OTOF: variants seen among roughly 807,000 people sequenced by gnomAD.
OTOF encodes the protein fer-1-like family member 2.
In OTOF, 218 loss-of-function variants were observed where a neutral mutation model predicts 236.8. The observed-to-expected ratio is 0.92, with a 90% CI of 0.82 to 1.03. The LOEUF (loss-of-function observed/expected upper bound fraction) is 1.03. Among genes scored for constraint, OTOF ranks in the 50% least tolerant of loss-of-function variants. OTOF has a pLI of 0.00. For synonymous variants in OTOF, 1,041 were observed against 1,072.5 expected, an observed-to-expected ratio of 0.97 and a Z score of 0.57; for missense variants, 2,590 against 2,694.4, an observed-to-expected ratio of 0.96 and a Z score of 0.86.
At position 26,465,957 on chromosome 2, in the gene OTOF, G is replaced by A; in HGVS notation, c.4620C>T (p.Val1540=). 6.2e-7 allele frequency: 1 copy of A among 1,614,268 alleles called. No individual in the cohort carries two copies. The highest frequency in any genetic ancestry group is 8.5e-7 in the Non-Finnish European group (1 of 1,180,044). ...ENYISKQLNP[V]FGKSFDIEAS... ...GCACCAAGAAGCCTTACTTCCCAAAGACAGGGTTGAGCTGCTTGGAGATGT... is the reference window on the plus strand; with the variant it reads ...GCACCAAGAAGCCTTACTTCCCAAAAACAGGGTTGAGCTGCTTGGAGATGT... The change falls in exon 37 of 47, where the codon GTC becomes GTT. Residue 1540 remains valine, a synonymous_variant. Transcript: ENST00000272371.
intron 32 of OTOF, among the ~76,000 whole-genome samples, chr2:26,469,119 T>C (rs980126679): frequency 6.6e-6 from 1 of 152,232 alleles, no homozygotes; most frequent in African/African-American, 2.4e-5. Context: ...GTACAGTGCA[T>C]TTTAATGTTG....
chr2:26,457,839 G>A lies in OTOF; in HGVS notation c.*399C>T, dbSNP rs1664257940. The A allele has an allele frequency of 5.1e-6, 3 of 588,486 alleles. No homozygotes were observed. The highest frequency in any genetic ancestry group is 9.0e-6 in the Non-Finnish European group (3 of 333,516). The allele number at this position is 588,486 out of a possible 1,614,324, so 36.5% of individuals were successfully genotyped here. A position where few individuals can be genotyped will look rare whatever the true frequency, so the allele number is the denominator to read the frequency against. On this transcript the variant is annotated 3_prime_UTR_variant, in exon 47 of 47. Coordinates refer to ENST00000272371, the MANE Select transcript of OTOF (RefSeq NM_194248.3). The surrounding 1 kb of genome is among the most constrained non-coding windows in gnomAD (Gnocchi z 4.4). ...CAAGGCTCCCCAGCCCACAGGCAGG[G>A]GTCAGAGGGGCGGGACTGGGCAAGC...
chr2:26,471,535 C>T (rs999393184), intron 30 of OTOF, among the ~76,000 whole-genome samples: 1 of 152,216 alleles, frequency 6.6e-6, no homozygotes, highest in Non-Finnish European at 1.5e-5. Context: ...TGGAAATCCT[C>T]CTCTGACCCA....
chr2:26,525,898 C>T (rs1310136929), intron 3 of OTOF, among the ~76,000 whole-genome samples: 2 of 151,942 alleles, frequency 1.3e-5, no homozygotes, highest in African/African-American at 4.8e-5. Context: ...ACCAACCTGG[C>T]CAACATGGTG....
chr2:26,522,961 G>A (rs906350463), intron 3 of OTOF, among the ~76,000 whole-genome samples: 2 of 152,248 alleles, frequency 1.3e-5, no homozygotes, highest in Non-Finnish European at 2.9e-5. Context: ...AGATCCCCAC[G>A]TAATTAGCCG....
At chr2:26,554,356 C>G (rs1472159877) in intron 1 of OTOF, among the ~76,000 whole-genome samples, 2 of 151,858 alleles carry the variant, frequency 1.3e-5, no homozygotes, top group Non-Finnish European at 2.9e-5. Context: ...GAAATGGAGC[C>G]AAAGAGTGAC....
chr2:26,514,815 G>A (rs1215613539), intron 5 of OTOF, among the ~76,000 whole-genome samples: 1 of 152,150 alleles, frequency 6.6e-6, no homozygotes, highest in Non-Finnish European at 1.5e-5. Context: ...TGGCCCTTGT[G>A]TGGCTTCCGA....
intron 8 of OTOF, 33 bp downstream of exon 8, chr2:26,501,721 T>G (rs747309152): frequency 6.5e-7 from 1 of 1,531,688 alleles, no homozygotes; most frequent in South Asian, 1.1e-5. Flanking sequence ...GAGCAGAGTC[T>G]GAAAGACATG....
At chr2:26,528,067 C>T (rs1281481142) in intron 2 of OTOF, 147 bp from the exon 3 acceptor site, 4 of 698,168 alleles carry the variant, frequency 5.7e-6, no homozygotes, top group South Asian at 1.5e-5. Context: ...AGCATTGACA[C>T]CTGGAATCTC....
rs1664603589 is a variant in OTOF, at chr2:26,463,965, T to G, written c.5102A>C (p.Gln1701Pro). The G allele has an allele frequency of 6.2e-7, 1 of 1,613,534 alleles. No individual in the cohort carries two copies. Among genetic ancestry groups the G allele is most frequent in the Admixed American group, 1.7e-5 (1 of 60,004 alleles). Residue 1701 changes from glutamine (Q) to proline (P), a missense_variant and splice_region_variant, in exon 40 of 47, where the codon CAG becomes CCG. By Grantham distance (76) the Gln-to-Pro change is moderately conservative. This residue lies in a region of OTOF where 1,211 missense variants were observed against 1,352.8 expected (regional missense o/e 0.90). Coordinates refer to ENST00000272371, the MANE Select transcript of OTOF (RefSeq NM_194248.3). ...CAGTCTTGGCCATGCAAGTGTCACC[T>G]GCTCGATGCCCGGCTTGTCGGGGTT... ...LLNPDKPGIE[Q>P]GRLELWVDMF...
intron 12 of OTOF, among the ~76,000 whole-genome samples, chr2:26,484,155 A>G (rs936550904): frequency 7.9e-5 from 12 of 152,242 alleles, no homozygotes; most frequent in Admixed American, 7.8e-4. Context: ...TTGGCACACC[A>G]GAAGAAACCT....
At position 26,473,297 on chromosome 2, in the gene OTOF, G is replaced by A. The variant is rs969905566; in HGVS notation, c.3571-3C>T. 4 of 1,613,342 alleles carry A rather than the reference G, an allele frequency of 2.5e-6. No homozygotes were observed. Among genetic ancestry groups the A allele is most frequent in the East Asian group, 2.2e-5 (1 of 44,878 alleles). On this transcript the variant is annotated splice_region_variant and splice_polypyrimidine_tract_variant and intron_variant, in intron 28 of 46. Transcript: ENST00000272371. The surrounding 1 kb of genome is among the most constrained non-coding windows in gnomAD (Gnocchi z 7.2). ...AGCAGCTCGTTCTCTGGGAGGTCCT[G>A]GGGTGTTGGCGACAGGAGCCTGAGC...
At chr2:26,551,699 T>C (rs1667466638) in intron 1 of OTOF, among the ~76,000 whole-genome samples, 1 of 152,158 alleles carries the variant, frequency 6.6e-6, no homozygotes, top group South Asian at 2.1e-4. Flanking sequence ...GATAAATGAT[T>C]AAATACCTGA....
chr2:26,473,214 C>T lies in OTOF; in HGVS notation c.3651G>A (p.Leu1217=). Residue 1217 remains leucine, a synonymous_variant, in exon 29 of 47, where the codon CTG becomes CTA. Transcript: ENST00000272371. This position sits in a 1 kb window ranked among gnomAD's most constrained non-coding sequence, Gnocchi z 7.2. ...GGGAGCTGACGGCATGGGAGCCCAC[C>T]AGTGTGTAGCGACCGAAGGCCCGGC... ...VDCRAFGRYT[L]VGSHAVSSLR... 1 of 1,613,266 alleles carries T rather than the reference C, an allele frequency of 6.2e-7. No homozygotes were observed. The highest frequency in any genetic ancestry group is 8.5e-7 in the Non-Finnish European group (1 of 1,179,998).
chr2:26,484,558 T>G lies in OTOF; in HGVS notation c.1121A>C (p.Lys374Thr), dbSNP rs1665654797. Residue 374 changes from lysine to threonine, a missense_variant, in exon 12 of 47, where the codon AAG becomes ACG. Coordinates refer to ENST00000272371, the MANE Select transcript of OTOF (RefSeq NM_194248.3). ...TTTGCCCACCACGGCAACGTCACAC[T>G]TCACGTAGCCCTTCAGCCCCGAGGA... ...DISSGLKGYV[K>T]CDVAVVGKGD... is the part of the protein sequence containing the mutation. 6.2e-7 allele frequency: 1 copy of G among 1,613,852 alleles called. No individual in the cohort carries two copies. Among genetic ancestry groups the G allele is most frequent in the African/African-American group, 1.3e-5 (1 of 74,924 alleles).
chr2:26,472,466 C>A (rs1209206581), intron 30 of OTOF, 53 bp downstream of exon 30: 1 of 1,610,484 alleles, frequency 6.2e-7, no homozygotes, highest in East Asian at 2.2e-5. Context: ...CAGGATGTGT[C>A]ACACGAAGTT....
chr2:26,528,253 A>AG (rs560720542), intron 2 of OTOF, among the ~76,000 whole-genome samples: 1 of 152,038 alleles, frequency 6.6e-6, no homozygotes, highest in Non-Finnish European at 1.5e-5. Flanking sequence ...CCAGCTCCTG[A>AG]GGGGGGTTGG....
intron 1 of OTOF, among the ~76,000 whole-genome samples, chr2:26,547,306 C>T (rs1667356302): frequency 1.3e-5 from 2 of 151,974 alleles, no homozygotes; most frequent in Admixed American, 1.3e-4. Context: ...ACATTGCATT[C>T]CTGGGATAAT....
chr2:26,487,404 T>C (rs2148064656), intron 11 of OTOF, among the ~76,000 whole-genome samples: 1 of 152,258 alleles, frequency 6.6e-6, no homozygotes, highest in Non-Finnish European at 1.5e-5. Context: ...CGAGCTAGGT[T>C]ACCCAAGTGG....
Sources: gnomAD v4.1 joint callset for allele counts (sites outside exome capture counted in the v4.1 genomes callset) on GRCh38, gnomAD v4.1.1 for gene constraint, gnomAD v4.1.1 regional missense constraint, Gnocchi (gnomAD v3.1) non-coding constraint, MANE v1.5 for transcripts, NCBI Gene and HGNC (gene_info 2026-07-23, HGNC 2026-07-21) for gene names.